SLFN12L: variants seen among roughly 807,000 people sequenced by gnomAD.
SLFN12L encodes the protein schlafen family member 12-like.
In SLFN12L, 34 loss-of-function variants were observed where a neutral mutation model predicts 34.8. The ratio of observed to expected loss-of-function variants is 0.98; its 90% confidence interval spans 0.74 to 1.30. SLFN12L has a LOEUF of 1.30. Among genes scored for constraint, SLFN12L ranks in the 50% most tolerant of loss-of-function variants. The pLI is 0.00. For synonymous variants in SLFN12L, 259 were observed against 247.5 expected (o/e 1.05, Z -0.44); for missense variants, 703 against 696.2 (o/e 1.01, Z -0.11).
chr17:35,467,781 G>A lies in SLFN12L; in HGVS notation c.*7142C>T, dbSNP rs1010189540. ...GGCTAGGCAGCTGCTTATCTGATAT[G>A]GGACCCGTTTGAGCCTAAACTTCAA... is the stretch of plus-strand genomic sequence containing the variant. On this transcript the variant is annotated 3_prime_UTR_variant, in exon 5 of 5. Transcript: ENST00000628453. Among the ~76,000 whole-genome samples, 1 of 152,230 alleles carries A rather than the reference G, an allele frequency of 6.6e-6. No individual in the cohort carries two copies. Among genetic ancestry groups the A allele is most frequent in the Non-Finnish European group, 1.5e-5 (1 of 68,010 alleles).
At position 35,484,685 on chromosome 17, in the gene SLFN12L, G is replaced by A. The variant is rs565604740; in HGVS notation, c.87-4490C>T. Among the ~76,000 whole-genome samples the A allele has an allele frequency of 4.3e-4, 65 of 152,302 alleles. 1 individual carries two copies. Among genetic ancestry groups the A allele is most frequent in the African/African-American group, 1.5e-3 (62 of 41,568 alleles). On this transcript the variant is annotated intron_variant, in intron 2 of 4. Transcript: ENST00000628453. Reference sequence around the variant, plus strand: ...AGGTCCTATTCCAGGAGAATAGCCTGGCAAGTGCATTGCTCTCACTATCTG... The same window carrying A: ...AGGTCCTATTCCAGGAGAATAGCCTAGCAAGTGCATTGCTCTCACTATCTG...
At chr17:35,494,547 C>T (rs558505490) in intron 2 of SLFN12L, among the ~76,000 whole-genome samples, 1 of 152,322 alleles carries the variant, frequency 6.6e-6, no homozygotes, top group Admixed American at 6.5e-5. Context: ...AGGCCTTGGG[C>T]ACTGCACTAA....
At chr17:35,519,733 G>A (rs772599863) in intron 2 of SLFN12L, among the ~76,000 whole-genome samples, 1 of 152,118 alleles carries the variant, frequency 6.6e-6, no homozygotes, top group African/African-American at 2.4e-5. Flanking sequence ...CATGTCGATC[G>A]CATACACCCC....
At chr17:35,527,975 C>G (rs1372473514) in intron 1 of SLFN12L, among the ~76,000 whole-genome samples, 1 of 152,188 alleles carries the variant, frequency 6.6e-6, no homozygotes, top group Non-Finnish European at 1.5e-5. Flanking sequence ...GCCCAAAAAT[C>G]TCCTTAAGCT....
intron 4 of SLFN12L, among the ~76,000 whole-genome samples, chr17:35,475,690 G>C (rs1913970397): frequency 6.6e-6 from 1 of 152,032 alleles, no homozygotes; most frequent in Non-Finnish European, 1.5e-5. Flanking sequence ...CTTGTGCCCA[G>C]GTGTTCAAGA....
chr17:35,479,162 A>G lies in SLFN12L; in HGVS notation c.1120T>C (p.Leu374=), dbSNP rs202207793. The change falls in exon 3 of 5, where the codon TTG becomes CTG. Residue 374 remains leucine, a synonymous_variant. Transcript: ENST00000628453. Reference sequence around the variant, plus strand: ...AACTGGATCCATTCCTTCTCGGTCAACTGCTTAACTCTGTTATCTTTCACG... The same window carrying G: ...AACTGGATCCATTCCTTCTCGGTCAGCTGCTTAACTCTGTTATCTTTCACG... ...WHVKDNRVKQ[L]TEKEWIQFMV... 1.8e-5 allele frequency: 28 copies of G among 1,573,882 alleles called. No individual in the cohort carries two copies. The highest frequency in any genetic ancestry group is 3.7e-5 in the Admixed American group (2 of 53,928).
chr17:35,519,712 A>G (rs1915943309), intron 2 of SLFN12L, among the ~76,000 whole-genome samples: 1 of 152,200 alleles, frequency 6.6e-6, no homozygotes, highest in East Asian at 1.9e-4. Context: ...GTTAATATCC[A>G]CATGATAAGA....
intron 2 of SLFN12L, among the ~76,000 whole-genome samples, chr17:35,496,715 C>A (rs1290726929): frequency 6.6e-6 from 1 of 152,190 alleles, no homozygotes; most frequent in Non-Finnish European, 1.5e-5. Context: ...TGGGAGAGTG[C>A]AGCGCTCCTC....
intron 1 of SLFN12L, among the ~76,000 whole-genome samples, chr17:35,535,295 A>G (rs2072448428): frequency 1.3e-5 from 2 of 150,494 alleles, no homozygotes; most frequent in African/African-American, 2.5e-5. Flanking sequence ...GGTTCAAGCA[A>G]TTCTCCTGCC....
intron 2 of SLFN12L, among the ~76,000 whole-genome samples, chr17:35,510,981 G>C (rs903017225): frequency 1.3e-5 from 2 of 152,050 alleles, no homozygotes; most frequent in Non-Finnish European, 2.9e-5. Context: ...AAACTGTTGA[G>C]AGAGAGAAAT....
chr17:35,490,642 G>C (rs920179914), intron 2 of SLFN12L: 63 of 904,074 alleles, frequency 7.0e-5, no homozygotes, highest in Non-Finnish European at 1.0e-4. Flanking sequence ...GAAATTAGAT[G>C]AACTGATCCC....
intron 2 of SLFN12L, among the ~76,000 whole-genome samples, chr17:35,509,210 T>C (rs527774156): frequency 2.5e-4 from 38 of 152,282 alleles, no homozygotes; most frequent in African/African-American, 8.9e-4. Context: ...AGTTATTAGA[T>C]TACTGTAGGG....
intron 2 of SLFN12L, among the ~76,000 whole-genome samples, chr17:35,511,047 C>T (rs1434717794): frequency 6.6e-6 from 1 of 152,046 alleles, no homozygotes; most frequent in African/African-American, 2.4e-5. Context: ...TTTGTTTTTA[C>T]ATTGATTTTC....
At chr17:35,515,835 G>A (rs1915809998) in intron 2 of SLFN12L, among the ~76,000 whole-genome samples, 2 of 151,850 alleles carry the variant, frequency 1.3e-5, no homozygotes, top group South Asian at 2.1e-4. Context: ...GAAGAGACAG[G>A]GTTTCACTAT....
At chr17:35,513,793 T>G (rs1008618256) in intron 2 of SLFN12L, among the ~76,000 whole-genome samples, 3 of 152,222 alleles carry the variant, frequency 2.0e-5, no homozygotes, top group African/African-American at 4.8e-5. Context: ...TACAAGTAGA[T>G]CATCGCGGTT....
intron 2 of SLFN12L, chr17:35,514,993 C>T (rs962968532): frequency 1.2e-4 from 60 of 482,342 alleles, no homozygotes; most frequent in Non-Finnish European, 2.2e-4. Flanking sequence ...AATTTCTGGA[C>T]AGCTTCAGCA....
chr17:35,530,420 AG>A (rs1209942993), intron 1 of SLFN12L, among the ~76,000 whole-genome samples: 11 of 10,150 alleles, frequency 1.1e-3, no homozygotes, highest in Middle Eastern at 0.02. Flanking sequence ...GAAGGAAGGA[AG>A]GAAGGAAGGG....
rs145228949 is a variant in SLFN12L at position 35,515,828 on chromosome 17, G to A, written c.86+6451C>T. The stretch of plus-strand genomic sequence containing the variant: ...CCGGCTAATTTTTGTATTTTTAGAA[G>A]AGACAGGGTTTCACTATGTTGGCCA... On this transcript the variant is annotated intron_variant, in intron 2 of 4. Transcript: ENST00000628453. Among the ~76,000 whole-genome samples the A allele has an allele frequency of 3.9e-5, 6 of 151,916 alleles. No individual in the cohort carries two copies. In the East Asian group the frequency reaches 1.2e-3, roughly 29 times the overall value.
At chr17:35,478,989 T>C in intron 3 of SLFN12L, 128 bp downstream of exon 3, 1 of 669,402 alleles carries the variant, frequency 1.5e-6, no homozygotes. Context: ...CAGGGAAGTA[T>C]TGGTTGTATC....
Sources: gnomAD v4.1 joint callset for allele counts (sites outside exome capture counted in the v4.1 genomes callset) on GRCh38, gnomAD v4.1.1 for gene constraint, MANE v1.5 for transcripts, NCBI Gene and HGNC (gene_info 2026-07-23, HGNC 2026-07-21) for gene names.